Variants in ZNF704 observed in about 807,000 individuals in gnomAD.
The protein encoded by ZNF704 is zinc finger protein 704.
In ZNF704, 10 loss-of-function variants were observed where a neutral mutation model predicts 44.7. That is an observed-to-expected ratio of 0.22 (90% CI 0.14 to 0.38). The LOEUF is 0.38. Ranked by LOEUF, ZNF704 falls within the 10% of genes least tolerant of loss-of-function variation. The pLI, the probability that ZNF704 is intolerant of heterozygous loss-of-function variation, is 1.00. For synonymous variants in ZNF704, 211 were observed against 207.6 expected, an observed-to-expected ratio of 1.02 and a Z score of -0.14; for missense variants, 390 against 545.5, an observed-to-expected ratio of 0.71 and a Z score of 2.84.
At chr8:80,681,520 G>A (rs1430283165) in intron 4 of ZNF704, among the ~76,000 whole-genome samples, 2 of 152,168 alleles carry the variant, frequency 1.3e-5, no homozygotes, top group African/African-American at 4.8e-5. Flanking sequence ...AGCGGCGTAT[G>A]AGGAGTGCTG....
intron 2 of ZNF704, among the ~76,000 whole-genome samples, chr8:80,755,953 C>T (rs1327351609): frequency 6.6e-6 from 1 of 151,668 alleles, no homozygotes; most frequent in Non-Finnish European, 1.5e-5. Flanking sequence ...AAAAAAAAAT[C>T]AATAAATCAG....
intron 5 of ZNF704, among the ~76,000 whole-genome samples, chr8:80,668,961 T>C (rs1285007367): frequency 6.6e-6 from 1 of 152,136 alleles, no homozygotes; most frequent in East Asian, 1.9e-4. Context: ...CTGGCAGGGC[T>C]ATGAACCATA....
chr8:80,723,327 A>G (rs1236570386), intron 2 of ZNF704, among the ~76,000 whole-genome samples: 2 of 152,220 alleles, frequency 1.3e-5, no homozygotes, highest in Admixed American at 1.3e-4. Context: ...ATCCACTACT[A>G]GTAACTGTAA....
At chr8:80,773,325 A>G (rs1210620406) in intron 2 of ZNF704, among the ~76,000 whole-genome samples, 2 of 152,172 alleles carry the variant, frequency 1.3e-5, no homozygotes, top group Non-Finnish European at 2.9e-5. Context: ...ATATTACATT[A>G]TATGTACATA....
At chr8:80,641,522 TG>T in intron 8 of ZNF704, 45 bp from the exon 9 acceptor site, 1 of 1,298,106 alleles carries the variant, frequency 7.7e-7, no homozygotes, top group Non-Finnish European at 1.1e-6. Flanking sequence ...AGGAATTCAA[TG>T]GGCATTCTAT....
chr8:80,881,497 G>A, the ZNF704 span, among the ~76,000 whole-genome samples: 18 of 151,962 alleles, frequency 1.2e-4, no homozygotes, highest in Non-Finnish European at 2.2e-4. Context: ...AATACATAGC[G>A]TAAAAAAAAA....
chr8:80,664,245 C>T (rs961256444), intron 6 of ZNF704, among the ~76,000 whole-genome samples: 6 of 150,734 alleles, frequency 4.0e-5, no homozygotes, highest in Admixed American at 6.6e-5. Context: ...TACAGGCACA[C>T]GCCACCATGC....
At position 80,631,943 on chromosome 8, in the gene ZNF704, A is replaced by T. The variant is rs1371588515; in HGVS notation, c.*9423T>A. 6.6e-6 allele frequency: 1 copy of T among 152,214 alleles called. No individual in the cohort carries two copies. Among genetic ancestry groups the T allele is most frequent in the Non-Finnish European group, 1.5e-5 (1 of 68,052 alleles). The allele number at this position is 152,214 out of a possible 1,614,324, so 9.4% of individuals were successfully genotyped here. ...CCATCAGGGGCTTTGGAACTGAAAAAACATTAACAACAGCCTGGCCTCTAG... is the reference window on the plus strand; with the variant it reads ...CCATCAGGGGCTTTGGAACTGAAAATACATTAACAACAGCCTGGCCTCTAG... On this transcript the variant is annotated 3_prime_UTR_variant, in exon 9 of 9. Transcript: ENST00000327835.
chr8:80,880,616 A>G, the ZNF704 span, among the ~76,000 whole-genome samples: 5 of 152,206 alleles, frequency 3.3e-5, no homozygotes, highest in Non-Finnish European at 7.3e-5. Flanking sequence ...TAACTTGTAG[A>G]TGTTTATGGA....
intron 2 of ZNF704, among the ~76,000 whole-genome samples, chr8:80,724,718 C>T (rs1301575947): frequency 6.6e-6 from 1 of 152,092 alleles, no homozygotes; most frequent in Non-Finnish European, 1.5e-5. Flanking sequence ...TCAACAAATC[C>T]CTAAAATCCT....
chr8:80,770,058 T>C (rs1458521021), intron 2 of ZNF704, among the ~76,000 whole-genome samples: 1 of 152,114 alleles, frequency 6.6e-6, no homozygotes, highest in Admixed American at 6.6e-5. Context: ...AACCATCAGA[T>C]CTTGTGAGAT....
chr8:80,635,405 T>G lies in ZNF704; in HGVS notation c.*5961A>C, dbSNP rs527796756. On this transcript the variant is annotated 3_prime_UTR_variant, in exon 9 of 9. Coordinates refer to ENST00000327835, the MANE Select transcript of ZNF704 (RefSeq NM_001033723.3). Reference sequence around the variant, plus strand: ...TTTTTGTTTTGTTTTTTTATTTTCCTTTTTTATTTTTTCCCTCCACTATAT... The same window carrying G: ...TTTTTGTTTTGTTTTTTTATTTTCCGTTTTTATTTTTTCCCTCCACTATAT... The G allele has an allele frequency of 3.3e-5, 5 of 152,300 alleles. No homozygotes were observed. Among genetic ancestry groups the G allele is most frequent in the Admixed American group, 6.5e-5 (1 of 15,298 alleles). 9.4% of individuals were successfully genotyped at this position (152,300 alleles called of 1,614,324 possible). A position where few individuals can be genotyped will look rare whatever the true frequency, so the allele number is the denominator to read the frequency against.
intron 3 of ZNF704, among the ~76,000 whole-genome samples, chr8:80,691,839 C>T (rs1011822453): frequency 2.6e-5 from 4 of 152,172 alleles, no homozygotes; most frequent in Non-Finnish European, 4.4e-5. Context: ...TACATCTCTT[C>T]CTGTGCGTCT....
chr8:80,812,183 CTT>C (rs1808098168), intron 2 of ZNF704: 1 of 152,810 alleles, frequency 6.5e-6, no homozygotes, highest in Admixed American at 6.6e-5. Flanking sequence ...TCTTCCTCCT[CTT>C]TATTTTCTTG....
intron 2 of ZNF704, among the ~76,000 whole-genome samples, chr8:80,746,908 C>T (rs1317772226): frequency 6.6e-6 from 1 of 152,162 alleles, no homozygotes; most frequent in Non-Finnish European, 1.5e-5. Flanking sequence ...GGAAAGTACA[C>T]ATCAATCAGT....
At chr8:80,705,743 C>T (rs897812451) in intron 2 of ZNF704, among the ~76,000 whole-genome samples, 1 of 152,086 alleles carries the variant, frequency 6.6e-6, no homozygotes, top group African/African-American at 2.4e-5. Context: ...TCTCTGGCTG[C>T]CAGGGCAGCC....
At chr8:80,645,431 T>C (rs1450909741) in intron 7 of ZNF704, among the ~76,000 whole-genome samples, 2 of 152,198 alleles carry the variant, frequency 1.3e-5, no homozygotes, top group African/African-American at 4.8e-5. Context: ...GGAATGCACA[T>C]GACACAGTTC....
chr8:80,673,777 T>C (rs767023370), intron 4 of ZNF704, among the ~76,000 whole-genome samples: 4 of 152,226 alleles, frequency 2.6e-5, no homozygotes, highest in Non-Finnish European at 5.9e-5. Context: ...AATGGTTGCC[T>C]TAAGCATGGC....
At chr8:80,654,391 G>C (rs1353183884) in intron 7 of ZNF704, among the ~76,000 whole-genome samples, 148 of 152,244 alleles carry the variant, frequency 9.7e-4, no homozygotes, top group Non-Finnish European at 1.8e-3. Flanking sequence ...ACTACCATCA[G>C]AGTGAACAGG....
Sources: gnomAD v4.1 joint callset for allele counts (sites outside exome capture counted in the v4.1 genomes callset) on GRCh38, gnomAD v4.1.1 for gene constraint, MANE v1.5 for transcripts, NCBI Gene and HGNC (gene_info 2026-07-23, HGNC 2026-07-21) for gene names.